Variants in CDYL observed in about 807,000 individuals in gnomAD.
CDYL encodes chromodomain Y like.
A neutral mutation model predicts 47.3 loss-of-function variants in CDYL; 8 were observed. The ratio of observed to expected loss-of-function variants is 0.17; its 90% CI spans 0.10 to 0.31. The LOEUF is 0.31. Ranked by LOEUF, CDYL falls within the 10% of genes least tolerant of loss-of-function variation. CDYL has a pLI of 1.00. For missense variants in CDYL, 471 were observed against 701.4 expected (o/e 0.67, Z 3.71); for synonymous variants, 266 against 265.0 (o/e 1.00, Z -0.04).
At chr6:4,725,095 G>A (rs748978458) in intron 2 of CDYL, among the ~76,000 whole-genome samples, 1 of 152,106 alleles carries the variant, frequency 6.6e-6, no homozygotes, top group Non-Finnish European at 1.5e-5. Flanking sequence ...ACAGAGTGTC[G>A]ATTGCTGCAT....
At chr6:4,850,728 C>CT (rs1352066194) in intron 1 of CDYL, among the ~76,000 whole-genome samples, 2 of 152,112 alleles carry the variant, frequency 1.3e-5, no homozygotes, top group African/African-American at 4.8e-5. Flanking sequence ...TAGAATTTGT[C>CT]TAAGTTGATG....
chr6:4,794,586 G>GA (rs1759018158), intron 1 of CDYL, among the ~76,000 whole-genome samples: 1 of 152,172 alleles, frequency 6.6e-6, no homozygotes, highest in African/African-American at 2.4e-5. Flanking sequence ...TCGGGAAGGG[G>GA]AGGGCCAGGA....
Position 4,953,891 on chromosome 6 carries a change from G to T in CDYL, c.1477-7G>T, listed in dbSNP as rs1413497863. The T allele has an allele frequency of 3.7e-6, 6 of 1,608,264 alleles. No homozygotes were observed. The Admixed American group carries it at 8.4e-5, about 22-fold the overall frequency. On this transcript the variant is annotated splice_polypyrimidine_tract_variant and splice_region_variant and intron_variant, in intron 6 of 6. Transcript: ENST00000397588. ...CCTGCTAACTGGCTGCTTGTTTTCC[G>T]GTGCAGGTGCTTGAGGAATCCAAAG...
chr6:4,792,049 AT>A (rs768229405), intron 1 of CDYL, among the ~76,000 whole-genome samples: 452 of 137,570 alleles, frequency 3.3e-3, no homozygotes, highest in Middle Eastern at 3.6e-3. Flanking sequence ...CGCCCGGCTA[AT>A]TTTTTTTTTT....
chr6:4,863,659 T>C (rs1761237676), intron 1 of CDYL, among the ~76,000 whole-genome samples: 1 of 152,254 alleles, frequency 6.6e-6, no homozygotes, highest in Admixed American at 6.5e-5. Context: ...CATTTTGTTC[T>C]ACAAGCATGT....
chr6:4,737,717 G>C (rs1757728314), intron 3 of CDYL, among the ~76,000 whole-genome samples: 1 of 152,066 alleles, frequency 6.6e-6, no homozygotes, highest in Non-Finnish European at 1.5e-5. Flanking sequence ...AGTAGAGACA[G>C]GGTTTCACCA....
chr6:4,928,201 C>G (rs1443823626), intron 2 of CDYL, among the ~76,000 whole-genome samples: 1 of 152,172 alleles, frequency 6.6e-6, no homozygotes, highest in East Asian at 1.9e-4. Context: ...AAAGAGAAAT[C>G]ACTTTACAGT....
intron 1 of CDYL, among the ~76,000 whole-genome samples, chr6:4,849,154 C>T (rs1439213665): frequency 1.3e-5 from 2 of 152,078 alleles, no homozygotes; most frequent in African/African-American, 4.8e-5. Flanking sequence ...ACTTCTTTGC[C>T]TTAGTCCATC....
chr6:4,926,229 C>A (rs112784022), intron 2 of CDYL, among the ~76,000 whole-genome samples: 1,818 of 152,222 alleles, frequency 0.012, 38 homozygotes, highest in African/African-American at 0.042. Flanking sequence ...TCATATGAAA[C>A]ATGGTTCTTC....
intron 1 of CDYL, among the ~76,000 whole-genome samples, chr6:4,778,564 G>A (rs142419611): frequency 3.8e-4 from 58 of 152,346 alleles, no homozygotes; most frequent in Middle Eastern, 3.4e-3. Flanking sequence ...ATACTGAGGT[G>A]TGAGAATGGT....
chr6:4,723,564 T>C (rs1007233078), intron 2 of CDYL, among the ~76,000 whole-genome samples: 2 of 152,116 alleles, frequency 1.3e-5, no homozygotes, highest in South Asian at 2.1e-4. Flanking sequence ...CTGTCCAACC[T>C]GAACTCACCA....
intron 2 of CDYL, among the ~76,000 whole-genome samples, chr6:4,926,941 C>T (rs979676315): frequency 6.6e-6 from 1 of 152,148 alleles, no homozygotes; most frequent in African/African-American, 2.4e-5. Context: ...CGATTTTATG[C>T]TTAGGAGCTC....
chr6:4,910,306 C>G (rs1042402588), intron 2 of CDYL, among the ~76,000 whole-genome samples: 1 of 152,198 alleles, frequency 6.6e-6, no homozygotes, highest in African/African-American at 2.4e-5. Context: ...AACAGTGACT[C>G]TGATTTTTGT....
chr6:4,873,722 A>G (rs1285714347), intron 1 of CDYL, among the ~76,000 whole-genome samples: 5 of 152,228 alleles, frequency 3.3e-5, no homozygotes, highest in African/African-American at 1.2e-4. Context: ...ATAATATACA[A>G]TTCTGTCATT....
chr6:4,879,807 G>A (rs746962555), intron 1 of CDYL, among the ~76,000 whole-genome samples: 1 of 151,996 alleles, frequency 6.6e-6, no homozygotes, highest in African/African-American at 2.4e-5. Context: ...TGATCTGCCC[G>A]CCTCGGCCTC....
At chr6:4,953,377 C>G (rs1581298957) in intron 6 of CDYL, among the ~76,000 whole-genome samples, 1 of 151,750 alleles carries the variant, frequency 6.6e-6, no homozygotes, top group South Asian at 2.1e-4. Context: ...AAGCAAGACC[C>G]TGTGTCAAAA....
intron 2 of CDYL, among the ~76,000 whole-genome samples, chr6:4,911,040 G>A (rs538778896): frequency 6.6e-5 from 10 of 152,052 alleles, no homozygotes; most frequent in Admixed American, 2.6e-4. Context: ...GGGTTTCACC[G>A]TGGTCTCGAT....
At chr6:4,819,036 C>T (rs1175299708) in intron 1 of CDYL, among the ~76,000 whole-genome samples, 1 of 151,366 alleles carries the variant, frequency 6.6e-6, no homozygotes, top group Non-Finnish European at 1.5e-5. Context: ...CACTGGGAGT[C>T]TGAGTATTGT....
Position 4,749,209 on chromosome 6 carries a change from C to A in CDYL, c.186+14365C>A, listed in dbSNP as rs912086805. On this transcript the variant is annotated intron_variant, in intron 3 of 8. Transcript: ENST00000328908. ...AGGACTAAGCAATAGGCCTGGGAGG[C>A]AAGAGCTGGTTTTTGTACTCACAGC... 2.2e-4 allele frequency among the ~76,000 whole-genome samples: 33 copies of A among 152,186 alleles called. 1 individual carries two copies. Among genetic ancestry groups the A allele is most frequent in the Admixed American group, 2.1e-3 (32 of 15,284 alleles).
Sources: gnomAD v4.1 joint callset for allele counts (sites outside exome capture counted in the v4.1 genomes callset) on GRCh38, gnomAD v4.1.1 for gene constraint, MANE v1.5 for transcripts, NCBI Gene and HGNC (gene_info 2026-07-23, HGNC 2026-07-21) for gene names.